Variants in BTG2 observed in about 807,000 individuals in gnomAD.
The protein encoded by BTG2 is protein BTG2.
BTG2 carries 9 observed loss-of-function variants against 13.1 expected under a neutral mutation model. That is an observed-to-expected ratio of 0.69 (90% CI 0.41 to 1.20). The LOEUF is 1.20. BTG2 is among the 50% of genes most tolerant of loss of function. The pLI, the probability that BTG2 is intolerant of heterozygous loss-of-function variation, is 0.00. For missense variants in BTG2, 200 were observed against 209.5 expected (o/e 0.95, Z 0.28); for synonymous variants, 92 against 88.6 (o/e 1.04, Z -0.21).
intron 1 of BTG2, among the ~76,000 whole-genome samples, chr1:203,306,830 T>TCTCA (rs1280747404): frequency 2.2e-5 from 3 of 136,640 alleles, no homozygotes; most frequent in East Asian, 4.3e-4. Flanking sequence ...ACTCTCTCTC[T>TCTCA]CACACACACA....
At position 203,307,312 on chromosome 1, in the gene BTG2, C is replaced by T; in HGVS notation, c.351C>T (p.Gly117=). ...YEVSYRIGED[G]SICVLYEEAP... is the part of the protein sequence containing the mutation. ...TGTCCTACCGCATTGGGGAGGACGG[C>T]TCCATCTGCGTCTTGTACGAGGAGG... is the stretch of plus-strand genomic sequence containing the variant. The change falls in exon 2 of 2, where the codon GGC becomes GGT. Residue 117 remains glycine (G), a synonymous_variant. Coordinates refer to ENST00000290551, the MANE Select transcript of BTG2 (RefSeq NM_006763.3). 3 of 1,614,164 alleles carry T rather than the reference C, an allele frequency of 1.9e-6. No homozygotes were observed. The East Asian group carries it at 6.7e-5, about 36-fold the overall frequency.
Position 203,307,606 on chromosome 1 carries a change from A to T in BTG2, c.*168A>T. On this transcript the variant is annotated 3_prime_UTR_variant, in exon 2 of 2. Transcript: ENST00000290551. ...ACCAAAAGTTTTTTTTAAGAAAAAA[A>T]ATCCTTCAAGGGAGCTGCTTGGAAG... 1.8e-6 allele frequency: 1 copy of T among 545,128 alleles called. No individual in the cohort carries two copies. Among genetic ancestry groups the T allele is most frequent in the East Asian group, 3.5e-5 (1 of 28,748 alleles). The allele number at this position is 545,128 out of a possible 1,614,324, so 33.8% of individuals were successfully genotyped here.
Position 203,307,225 on chromosome 1 carries a change from C to T in BTG2, c.264C>T (p.Ser88=). ...ISRVASQIGL[S]QPQLHQLLPS... ...GGGTGGCCAGCCAGATCGGACTCAG[C>T]CAGCCCCAGCTGCACCAGCTGCTGC... The change falls in exon 2 of 2, where the codon AGC becomes AGT. Residue 88 remains serine (S), a synonymous_variant. Transcript: ENST00000290551. 1 of 1,614,236 alleles carries T rather than the reference C, an allele frequency of 6.2e-7. No individual in the cohort carries two copies. The highest frequency in any genetic ancestry group is 8.5e-7 in the Non-Finnish European group (1 of 1,180,046).
Position 203,307,169 on chromosome 1 carries a change from A to G in BTG2, c.208A>G (p.Ile70Val). 3 of 1,614,222 alleles carry G rather than the reference A, an allele frequency of 1.9e-6. No individual in the cohort carries two copies. Among genetic ancestry groups the G allele is most frequent in the Non-Finnish European group, 2.5e-6 (3 of 1,180,030 alleles). ...SKGSGYRCIR[I>V]NHKMDPIISR... is the part of the protein sequence containing the mutation. ...GGGCTCCGGCTACCGCTGCATTCGC[A>G]TCAACCACAAGATGGACCCCATCAT... is the stretch of plus-strand genomic sequence containing the variant. The change falls in exon 2 of 2, where the codon ATC (isoleucine) becomes GTC (valine). Residue 70 changes from isoleucine (I) to valine (V), a missense_variant. Transcript: ENST00000290551.
rs1211551500 is a variant in BTG2, at chr1:203,308,448, T to C, written c.*1010T>C. ...CCCTCCCCTCCCCCTTCCCTTCTGG[T>C]CGGGTCATAGAGCTACCGTATTTTC... On this transcript the variant is annotated 3_prime_UTR_variant, in exon 2 of 2. Coordinates refer to ENST00000290551, the MANE Select transcript of BTG2 (RefSeq NM_006763.3). The C allele has an allele frequency of 6.6e-6, 1 of 152,646 alleles. No homozygotes were observed. The highest frequency in any genetic ancestry group is 6.5e-5 in the Admixed American group (1 of 15,280). The allele number at this position is 152,646 out of a possible 1,614,324, so 9.5% of individuals were successfully genotyped here. A position where few individuals can be genotyped will look rare whatever the true frequency, so the allele number is the denominator to read the frequency against.
intron 1 of BTG2, among the ~76,000 whole-genome samples, chr1:203,305,994 C>T (rs777473491): frequency 3.3e-5 from 5 of 152,280 alleles, no homozygotes; most frequent in Non-Finnish European, 5.9e-5. Flanking sequence ...GAGGCGCAGA[C>T]CCTGGTCCTG....
intron 1 of BTG2, among the ~76,000 whole-genome samples, chr1:203,306,864 AC>A (rs1192058348): frequency 7.7e-6 from 1 of 129,054 alleles, no homozygotes; most frequent in Non-Finnish European, 1.6e-5. Context: ...ACACACACAC[AC>A]ACACACACAC....
rs183820479 is a variant in BTG2 at position 203,307,400 on chromosome 1, A to G, written c.439A>G (p.Ser147Gly). ...GAACCAAGTGCTGCTGGGCCGGAGC[A>G]GCCCCTCCAAGAACTACGTGATGGC... ...CKNQVLLGRS[S>G]PSKNYVMAVS... Residue 147 changes from serine (S) to glycine (G), a missense_variant, in exon 2 of 2, where the codon AGC becomes GGC. Physicochemically the swap from Ser to Gly is moderately conservative, Grantham distance 56 (BLOSUM62 0). Coordinates refer to ENST00000290551, the MANE Select transcript of BTG2 (RefSeq NM_006763.3). The G allele has an allele frequency of 1.1e-5, 18 of 1,603,154 alleles. No homozygotes were observed. In the Admixed American group the frequency reaches 2.7e-4, roughly 24 times the overall value.
chr1:203,305,835 G>A, intron 1 of BTG2, 87 bp downstream of exon 1: 1 of 1,480,286 alleles, frequency 6.8e-7, no homozygotes, highest in Non-Finnish European at 8.9e-7. Context: ...GCGGCAGGGT[G>A]ACCCACGGGA....
Position 203,305,733 on chromosome 1 carries a change from C to T in BTG2, c.127C>T (p.Gln43Ter), listed in dbSNP as rs1658242089. Reference protein sequence around the residue: ...QRLKVFSGALQEALTEHYKHH... With the variant: ...QRLKVFSGAL ...GCTTAAGGTCTTCAGCGGGGCGCTC[C>T]AGGAGGCACTCACAGGTGAGCGCAT... The change falls in exon 1 of 2, where the codon CAG becomes TAG. Residue 43 changes from glutamine to a stop codon, truncating the protein, a stop_gained. Coordinates refer to ENST00000290551, the MANE Select transcript of BTG2 (RefSeq NM_006763.3). LOFTEE classifies it high-confidence loss of function. The T allele has an allele frequency of 6.5e-7, 1 of 1,549,282 alleles. No homozygotes were observed. Among genetic ancestry groups the T allele is most frequent in the Non-Finnish European group, 8.7e-7 (1 of 1,146,302 alleles).
intron 1 of BTG2, among the ~76,000 whole-genome samples, chr1:203,306,182 G>C (rs1658266691): frequency 1.3e-5 from 2 of 152,340 alleles, no homozygotes; most frequent in East Asian, 1.9e-4. Flanking sequence ...TGGAGTCCCA[G>C]TGCGGTTCTT....
At chr1:203,306,912 G>C (rs1658292286) in intron 1 of BTG2, among the ~76,000 whole-genome samples, 192 bp from the exon 2 acceptor site, 1 of 151,486 alleles carries the variant, frequency 6.6e-6, no homozygotes, top group African/African-American at 2.4e-5. Flanking sequence ...CAGGAAAGTG[G>C]ATCTTTCCAG....
Position 203,305,717 on chromosome 1 carries a change from C to T in BTG2, c.111C>T (p.Val37=), listed in dbSNP as rs1571500125. 1 of 1,551,808 alleles carries T rather than the reference C, an allele frequency of 6.4e-7. No homozygotes were observed. The change falls in exon 1 of 2, where the codon GTC becomes GTT. Residue 37 remains valine (V), a synonymous_variant. Coordinates refer to ENST00000290551, the MANE Select transcript of BTG2 (RefSeq NM_006763.3). ...RGCVSEQRLK[V]FSGALQEALT... ...GCGTGAGCGAGCAGAGGCTTAAGGT[C>T]TTCAGCGGGGCGCTCCAGGAGGCAC...
chr1:203,309,583 T>TA lies in BTG2; in HGVS notation c.*2150dup, dbSNP rs1658342478. 1 of 152,702 alleles carries TA rather than the reference T, an allele frequency of 6.5e-6. No individual in the cohort carries two copies. Among genetic ancestry groups the TA allele is most frequent in the Non-Finnish European group, 1.5e-5 (1 of 68,044 alleles). 9.5% of individuals were successfully genotyped at this position (152,702 alleles called of 1,614,324 possible). A position where few individuals can be genotyped will look rare whatever the true frequency, so the allele number is the denominator to read the frequency against. The stretch of plus-strand genomic sequence containing the variant: ...AATGTACACCTTTTTGTTACTTTAA[T>TA]AAAAATGTAGTAGGATAAACTTGTG... On this transcript the variant is annotated 3_prime_UTR_variant, in exon 2 of 2. Coordinates refer to ENST00000290551, the MANE Select transcript of BTG2 (RefSeq NM_006763.3).
chr1:203,305,544 C>T lies in BTG2; in HGVS notation c.-63C>T, dbSNP rs976574661. The T allele has an allele frequency of 3.2e-6, 5 of 1,544,526 alleles. No individual in the cohort carries two copies. Among genetic ancestry groups the T allele is most frequent in the Admixed American group, 1.9e-5 (1 of 51,424 alleles). The stretch of plus-strand genomic sequence containing the variant: ...AGAGCCCGAGCAGCGGCCAGGGTAA[C>T]GCTGTCTTGTGGACCCGCACTTCCC... On this transcript the variant is annotated 5_prime_UTR_variant, in exon 1 of 2. In the 5' UTR this introduces an upstream ATG that the reference lacks. Transcript: ENST00000290551.
rs1658307834 is a variant in BTG2 at position 203,307,609 on chromosome 1, C to T, written c.*171C>T. ...AAAAGTTTTTTTTAAGAAAAAAAAT[C>T]CTTCAAGGGAGCTGCTTGGAAGTGG... is the stretch of plus-strand genomic sequence containing the variant. On this transcript the variant is annotated 3_prime_UTR_variant, in exon 2 of 2. Coordinates refer to ENST00000290551, the MANE Select transcript of BTG2 (RefSeq NM_006763.3). 4 of 515,268 alleles carry T rather than the reference C, an allele frequency of 7.8e-6. No homozygotes were observed. In the South Asian group the frequency reaches 1.8e-4, roughly 23 times the overall value. 31.9% of individuals were successfully genotyped at this position (515,268 alleles called of 1,614,324 possible). A position where few individuals can be genotyped will look rare whatever the true frequency, so the allele number is the denominator to read the frequency against.
rs1362023562 is a variant in BTG2 at position 203,307,322 on chromosome 1, G to A, written c.361G>A (p.Val121Ile). ...YRIGEDGSIC[V>I]LYEEAPLAAS... ...CATTGGGGAGGACGGCTCCATCTGC[G>A]TCTTGTACGAGGAGGCCCCACTGGC... The change falls in exon 2 of 2, where the codon GTC (valine) becomes ATC (isoleucine). Residue 121 changes from valine (V) to isoleucine (I), a missense_variant. By Grantham distance (29) the Val-to-Ile change is conservative (BLOSUM62 3). Coordinates refer to ENST00000290551, the MANE Select transcript of BTG2 (RefSeq NM_006763.3). 8.1e-6 allele frequency: 13 copies of A among 1,613,948 alleles called. 1 individual carries two copies. In the African/African-American group the frequency reaches 1.2e-4, roughly 15 times the overall value.
In BTG2 at chr1:203,307,233, A is replaced by C. The variant is rs1310721459; in HGVS notation, c.272A>C (p.Gln91Pro). Residue 91 changes from glutamine to proline, a missense_variant, in exon 2 of 2, where the codon CAG (glutamine) becomes CCG (proline). Coordinates refer to ENST00000290551, the MANE Select transcript of BTG2 (RefSeq NM_006763.3). The stretch of plus-strand genomic sequence containing the variant: ...AGCCAGATCGGACTCAGCCAGCCCC[A>C]GCTGCACCAGCTGCTGCCCAGCGAG... The part of the protein sequence containing the change: ...VASQIGLSQP[Q>P]LHQLLPSELT... 2 of 1,614,228 alleles carry C rather than the reference A, an allele frequency of 1.2e-6. No homozygotes were observed. The highest frequency in any genetic ancestry group is 8.5e-7 in the Non-Finnish European group (1 of 1,180,054).
chr1:203,305,844 G>A (rs975542767), intron 1 of BTG2, 96 bp downstream of exon 1: 1 of 1,472,702 alleles, frequency 6.8e-7, no homozygotes, highest in Non-Finnish European at 9.0e-7. Context: ...TGACCCACGG[G>A]AGCAGCTTTG....
Sources: gnomAD v4.1 joint callset for allele counts (sites outside exome capture counted in the v4.1 genomes callset) on GRCh38, gnomAD v4.1.1 for gene constraint, MANE v1.5 for transcripts, NCBI Gene and HGNC (gene_info 2026-07-23, HGNC 2026-07-21) for gene names.